Variants in PAK3 observed in about 807,000 individuals in gnomAD.
The protein encoded by PAK3 is p21 (RAC1) activated kinase 3.
PAK3 carries 4 observed loss-of-function variants against 41.0 expected under a neutral mutation model. That is an observed-to-expected ratio of 0.10 (90% confidence interval 0.05 to 0.22). The LOEUF (loss-of-function observed/expected upper bound fraction) is 0.22, where lower values mean the gene tolerates loss of function less well. Ranked by LOEUF, PAK3 falls within the 10% of genes least tolerant of loss-of-function variation. The pLI is 1.00. For missense variants in PAK3, 205 were observed against 409.9 expected (o/e 0.50, Z 4.32); for synonymous variants, 146 against 139.6 (o/e 1.05, Z -0.32).
intron 4 of PAK3, among the ~76,000 whole-genome samples, chrX:111,107,507 G>A (rs1192240183): frequency 1.8e-5 from 2 of 112,081 alleles, no homozygotes; most frequent in Non-Finnish European, 3.8e-5. Flanking sequence ...ACCCAGGAGT[G>A]AACTAATGGA....
intron 1 of PAK3, among the ~76,000 whole-genome samples, chrX:110,956,015 T>G (rs2090850001): frequency 8.9e-6 from 1 of 112,258 alleles, no homozygotes; most frequent in African/African-American, 3.2e-5. Context: ...CCTAACTGCC[T>G]TGGCTCTGTA....
At chrX:111,045,878 C>T (rs1364032375) in intron 1 of PAK3, among the ~76,000 whole-genome samples, 1 of 111,652 alleles carries the variant, frequency 9.0e-6, no homozygotes, top group African/African-American at 3.3e-5. Context: ...TGGTCTGGGG[C>T]TCCATTGGAC....
chrX:111,107,327 C>A (rs755990382), intron 4 of PAK3, among the ~76,000 whole-genome samples: 53 of 112,137 alleles, frequency 4.7e-4, no homozygotes, highest in Middle Eastern at 4.6e-3. Flanking sequence ...TAAATTTGTA[C>A]TGTAAGTGTT....
At chrX:111,010,998 C>T (rs2092003788) in intron 1 of PAK3, among the ~76,000 whole-genome samples, 1 of 112,019 alleles carries the variant, frequency 8.9e-6, no homozygotes, top group African/African-American at 3.2e-5. Context: ...TGAAAAATCA[C>T]AGCCTACCTA....
chrX:111,176,791 C>A (rs965637559), intron 11 of PAK3, among the ~76,000 whole-genome samples: 4 of 111,335 alleles, frequency 3.6e-5, no homozygotes, highest in African/African-American at 1.3e-4. Context: ...CCCAAATTGT[C>A]ATAATATAAA....
intron 1 of PAK3, among the ~76,000 whole-genome samples, chrX:110,972,920 C>A (rs1411240802): frequency 1.8e-5 from 2 of 111,467 alleles, no homozygotes; most frequent in Non-Finnish European, 3.8e-5. Context: ...GACGCATGCA[C>A]AAGCTTCAAT....
chrX:111,152,706 C>G (rs1334243638), intron 8 of PAK3: 2 of 251,798 alleles, frequency 7.9e-6, no homozygotes, highest in Non-Finnish European at 1.4e-5. Flanking sequence ...TACCTACTTA[C>G]AGTTAACTCC....
chrX:111,195,185 T>C (rs766680087), intron 14 of PAK3, among the ~76,000 whole-genome samples: 3 of 111,788 alleles, frequency 2.7e-5, no homozygotes, highest in African/African-American at 9.8e-5. Flanking sequence ...TTTTTTTTTA[T>C]AAGTTGTTCA....
intron 1 of PAK3, among the ~76,000 whole-genome samples, chrX:110,951,308 G>A (rs2090740375): frequency 8.9e-6 from 1 of 112,069 alleles, no homozygotes; most frequent in African/African-American, 3.2e-5. Flanking sequence ...GTCTTTCACT[G>A]TACAGAAATG....
intron 1 of PAK3, among the ~76,000 whole-genome samples, chrX:111,010,487 G>A (rs1051438438): frequency 8.9e-6 from 1 of 111,786 alleles, no homozygotes; most frequent in Admixed American, 9.5e-5. Context: ...CAGTGTTGGA[G>A]GTGGGGTCTT....
intron 1 of PAK3, among the ~76,000 whole-genome samples, chrX:111,085,942 A>G (rs953966446): frequency 4.5e-5 from 5 of 111,865 alleles, no homozygotes; most frequent in Admixed American, 3.8e-4. Context: ...TAAAAGGAAG[A>G]CTGGAACACA....
intron 1 of PAK3, among the ~76,000 whole-genome samples, chrX:110,995,897 A>G (rs934477819): frequency 1.8e-5 from 2 of 111,256 alleles, no homozygotes; most frequent in African/African-American, 3.3e-5. Context: ...CCTTGCCCCA[A>G]CTTCCCCATG....
intron 4 of PAK3, among the ~76,000 whole-genome samples, chrX:111,122,255 GAAAAAAAAA>G (rs747134804): frequency 3.4e-4 from 8 of 23,277 alleles, no homozygotes; most frequent in African/African-American, 1.0e-3. Flanking sequence ...GACTCCATCT[GAAAAAAAAA>G]AAAAAAAAAA....
intron 1 of PAK3, among the ~76,000 whole-genome samples, chrX:111,057,708 C>T (rs2092616910): frequency 9.0e-6 from 1 of 110,664 alleles, no homozygotes; most frequent in Non-Finnish European, 1.9e-5. Context: ...AAAGAGTTCA[C>T]CATTTAAAAT....
chrX:111,152,526 T>G (rs1315049386), intron 8 of PAK3, 79 bp downstream of exon 8: 17 of 680,467 alleles, frequency 2.5e-5, no homozygotes, highest in Admixed American at 4.8e-5. Context: ...CAGATCCAGT[T>G]TTTAGATATA....
intron 1 of PAK3, among the ~76,000 whole-genome samples, chrX:110,969,357 C>G (rs2091154052): frequency 9.8e-6 from 1 of 102,304 alleles, no homozygotes; most frequent in Admixed American, 1.1e-4. Context: ...GATCTCAGCT[C>G]ACTGCAACTT....
At chrX:110,961,609 C>T (rs2090978664) in intron 1 of PAK3, among the ~76,000 whole-genome samples, 1 of 111,713 alleles carries the variant, frequency 9.0e-6, no homozygotes, top group Non-Finnish European at 1.9e-5. Flanking sequence ...AAAATATCTA[C>T]AATCTCTTTT....
chrX:111,042,955 C>T lies in PAK3; in HGVS notation c.-27-80122C>T, dbSNP rs773651073. 2.1e-4 allele frequency among the ~76,000 whole-genome samples: 24 copies of T among 111,830 alleles called. No individual in the cohort carries two copies. The East Asian group carries it at 2.3e-3, about 11-fold the overall frequency. On this transcript the variant is annotated intron_variant, in intron 1 of 14. Transcript: ENST00000425146. ...ACATGACCACTCCATACTTCACTCA[C>T]GGGACAGCCAGACAGTAGAGATTAG...
chrX:110,966,532 A>T (rs999812463), intron 1 of PAK3, among the ~76,000 whole-genome samples: 1 of 111,830 alleles, frequency 8.9e-6, no homozygotes, highest in African/African-American at 3.3e-5. Flanking sequence ...AGATACTTCT[A>T]AAAAGAAAAC....
Sources: gnomAD v4.1 joint callset for allele counts (sites outside exome capture counted in the v4.1 genomes callset) on GRCh38, gnomAD v4.1.1 for gene constraint, MANE v1.5 for transcripts, NCBI Gene and HGNC (gene_info 2026-07-23, HGNC 2026-07-21) for gene names.